The following DTD1 variants were observed in gnomAD, a reference collection of about 807,000 sequenced individuals.
DTD1 encodes the protein D-tyrosyl-tRNA deacylase 1 homolog.
Under a neutral mutation model 25.6 loss-of-function variants are expected in DTD1, and 13 were observed. The observed-to-expected ratio is 0.51, with a 90% CI of 0.33 to 0.81. The LOEUF (loss-of-function observed/expected upper bound fraction) is 0.81, where lower values mean the gene tolerates loss of function less well. Among genes scored for constraint, DTD1 ranks in the 30% least tolerant of loss-of-function variants. The pLI is 0.02. For missense variants in DTD1, 193 were observed against 266.4 expected, an observed-to-expected ratio of 0.72 and a Z score of 1.92; for synonymous variants, 110 against 103.6, an observed-to-expected ratio of 1.06 and a Z score of -0.37.
chr20:18,641,831 G>T lies in DTD1; in HGVS notation c.477+13598G>T, dbSNP rs778606151. On this transcript the variant is annotated intron_variant, in intron 4 of 5. Transcript: ENST00000377452. Reference sequence around the variant, plus strand: ...TGTGGATTACCTTTTCACTCTGTTGGTGGTGTTTTCTGATGTACAGAAGTT... The same window carrying T: ...TGTGGATTACCTTTTCACTCTGTTGTTGGTGTTTTCTGATGTACAGAAGTT... Among the ~76,000 whole-genome samples the T allele has an allele frequency of 3.3e-5, 5 of 152,054 alleles. No homozygotes were observed. In the East Asian group the frequency reaches 9.6e-4, roughly 29 times the overall value.
intron 1 of DTD1, among the ~76,000 whole-genome samples, chr20:18,589,443 C>G (rs1270382378): frequency 6.6e-6 from 1 of 151,994 alleles, no homozygotes; most frequent in Non-Finnish European, 1.5e-5. Context: ...CCCACCAAAA[C>G]CGTATATTTA....
intron 4 of DTD1, among the ~76,000 whole-genome samples, chr20:18,666,482 C>A (rs939078326): frequency 2.6e-5 from 4 of 152,128 alleles, no homozygotes; most frequent in Non-Finnish European, 4.4e-5. Context: ...GGCAGGACAC[C>A]CAGATAGATT....
In DTD1 at chr20:18,711,909, G is replaced by A. The variant is rs572171474; in HGVS notation, c.478-32191G>A. ...AAATATAAAAATTAGCCAGGAGGCCGGGGTGGGGGTTGCCGGGGGTCGGGG... is the reference window on the plus strand; with the variant it reads ...AAATATAAAAATTAGCCAGGAGGCCAGGGTGGGGGTTGCCGGGGGTCGGGG... On this transcript the variant is annotated intron_variant, in intron 4 of 5. Transcript: ENST00000377452. 2.0e-5 allele frequency among the ~76,000 whole-genome samples: 3 copies of A among 151,146 alleles called. No individual in the cohort carries two copies. In the South Asian group the frequency reaches 6.3e-4, roughly 32 times the overall value.
At chr20:18,629,522 A>T (rs2060774774) in intron 4 of DTD1, among the ~76,000 whole-genome samples, 1 of 150,434 alleles carries the variant, frequency 6.6e-6, no homozygotes, top group Admixed American at 6.6e-5. Context: ...GTGGTCTTGA[A>T]CTCCTGGGCT....
intron 3 of DTD1, among the ~76,000 whole-genome samples, chr20:18,612,103 C>T (rs1234579069): frequency 2.1e-5 from 3 of 142,598 alleles, no homozygotes; most frequent in Non-Finnish European, 3.0e-5. Flanking sequence ...GGCGGGATCT[C>T]GGCTCACTGC....
chr20:18,731,455 A>G (rs543676026), intron 4 of DTD1, among the ~76,000 whole-genome samples: 3 of 152,380 alleles, frequency 2.0e-5, no homozygotes, highest in Non-Finnish European at 4.4e-5. Context: ...ACATAATTCA[A>G]TATCACATAA....
chr20:18,598,078 A>G (rs2060618972), intron 3 of DTD1, among the ~76,000 whole-genome samples: 1 of 152,150 alleles, frequency 6.6e-6, no homozygotes, highest in East Asian at 1.9e-4. Context: ...TACATGTGCC[A>G]TAGTGGTTTG....
chr20:18,618,310 T>C (rs2060717528), intron 3 of DTD1, among the ~76,000 whole-genome samples: 1 of 152,124 alleles, frequency 6.6e-6, no homozygotes, highest in Admixed American at 6.6e-5. Flanking sequence ...TATTTCCTTT[T>C]CTCTTAACTG....
intron 5 of DTD1, among the ~76,000 whole-genome samples, chr20:18,755,412 C>T (rs1250438155): frequency 2.6e-5 from 4 of 152,134 alleles, no homozygotes; most frequent in African/African-American, 9.7e-5. Context: ...AATGCTATCC[C>T]TCCCCTCTCC....
intron 4 of DTD1, among the ~76,000 whole-genome samples, chr20:18,742,716 A>G (rs548240991): frequency 3.3e-4 from 50 of 152,290 alleles, no homozygotes; most frequent in African/African-American, 1.1e-3. Context: ...GACCACTACT[A>G]TAAGTCAATT....
At chr20:18,596,652 TTTTA>T (rs1458103022) in intron 3 of DTD1, among the ~76,000 whole-genome samples, 1 of 152,094 alleles carries the variant, frequency 6.6e-6, no homozygotes, top group Non-Finnish European at 1.5e-5. Context: ...AAAAAATATA[TTTTA>T]TTTAACTGAA....
At chr20:18,730,904 C>G (rs1369482145) in intron 4 of DTD1, among the ~76,000 whole-genome samples, 1 of 152,216 alleles carries the variant, frequency 6.6e-6, no homozygotes, top group African/African-American at 2.4e-5. Context: ...CTCTCAGACT[C>G]TGTGGACATT....
chr20:18,632,320 A>T, intron 4 of DTD1: 1 of 985,464 alleles, frequency 1.0e-6, no homozygotes, highest in Admixed American at 6.1e-5. Context: ...ATTTACATGG[A>T]CCAGTTTCCT....
At chr20:18,697,140 G>C (rs1600376214) in intron 4 of DTD1, among the ~76,000 whole-genome samples, 1 of 151,762 alleles carries the variant, frequency 6.6e-6, no homozygotes, top group East Asian at 2.0e-4. Context: ...GCTGTGGCAG[G>C]AGAATGGCGA....
chr20:18,706,120 C>T (rs1214808539), intron 4 of DTD1, among the ~76,000 whole-genome samples: 2 of 152,146 alleles, frequency 1.3e-5, no homozygotes, highest in Admixed American at 6.5e-5. Flanking sequence ...GTTGTTGGTT[C>T]GTTGCCAAAG....
At chr20:18,687,179 C>T (rs368374721) in intron 4 of DTD1, among the ~76,000 whole-genome samples, 9 of 152,106 alleles carry the variant, frequency 5.9e-5, no homozygotes, top group African/African-American at 1.7e-4. Context: ...TGCCAGGGGG[C>T]AATCATGCAG....
At chr20:18,656,819 A>C (rs16979451) in intron 4 of DTD1, among the ~76,000 whole-genome samples, 18,278 of 152,226 alleles carry the variant, frequency 0.12, 1,359 homozygotes, top group East Asian at 0.27. Context: ...TGCATCCTGG[A>C]AAACCGGCAT....
intron 5 of DTD1, among the ~76,000 whole-genome samples, chr20:18,752,244 T>C (rs2061323720): frequency 6.6e-6 from 1 of 152,208 alleles, no homozygotes; most frequent in Non-Finnish European, 1.5e-5. Flanking sequence ...CTCTTGGCCA[T>C]TAATACTTCA....
At position 18,735,019 on chromosome 20, in the gene DTD1, T is replaced by A. The variant is rs117736212; in HGVS notation, c.478-9081T>A. On this transcript the variant is annotated intron_variant, in intron 4 of 5. Coordinates refer to ENST00000377452, the MANE Select transcript of DTD1 (RefSeq NM_080820.6). ...AGGAGTGGGCGAGAATGCTGAGTAA[T>A]CCACCTTGAGGTATTTTTAAAAGTA... is the stretch of plus-strand genomic sequence containing the variant. Among the ~76,000 whole-genome samples, 792 of 152,350 alleles carry A rather than the reference T, an allele frequency of 5.2e-3. 6 individuals are homozygous for A. Among genetic ancestry groups the A allele is most frequent in the Non-Finnish European group, 6.3e-3 (430 of 68,040 alleles).
Sources: gnomAD v4.1 joint callset for allele counts (sites outside exome capture counted in the v4.1 genomes callset) on GRCh38, gnomAD v4.1.1 for gene constraint, MANE v1.5 for transcripts, NCBI Gene and HGNC (gene_info 2026-07-23, HGNC 2026-07-21) for gene names.